The following SLK variants were observed in gnomAD, a reference collection of about 807,000 sequenced individuals.
The protein encoded by SLK is STE20 like kinase.
In SLK, 67 loss-of-function variants were observed where a neutral mutation model predicts 147.7. The observed-to-expected ratio is 0.45, with a 90% CI of 0.37 to 0.56. SLK has a LOEUF of 0.56. Ranked by LOEUF, SLK falls within the 20% of genes least tolerant of loss-of-function variation. The pLI is 0.00. For missense variants in SLK, 1,136 were observed against 1,438.8 expected (o/e 0.79, Z 3.41); for synonymous variants, 441 against 475.0 (o/e 0.93, Z 0.93).
intron 4 of SLK, among the ~76,000 whole-genome samples, 163 bp from the exon 5 acceptor site, chr10:103,998,736 A>G (rs1405899666): frequency 1.3e-5 from 2 of 152,150 alleles, no homozygotes; most frequent in African/African-American, 4.8e-5. Context: ...GTAGAAAGAG[A>G]TGGTCAAGAT....
chr10:104,003,077 A>G lies in SLK; in HGVS notation c.1899A>G (p.Glu633=). The change falls in exon 9 of 19, where the codon GAA becomes GAG. Residue 633 remains glutamate, a synonymous_variant. Coordinates refer to ENST00000369755, the MANE Select transcript of SLK (RefSeq NM_014720.4). ...AGAACATAATGGACATCAATGAGGAACCAGGAACAACTGAAGGTGAAGAAA... is the reference window on the plus strand; with the variant it reads ...AGAACATAATGGACATCAATGAGGAGCCAGGAACAACTGAAGGTGAAGAAA... ...SSENIMDINE[E]PGTTEGEEIT... is the part of the protein sequence containing the mutation. 3.7e-6 allele frequency: 6 copies of G among 1,614,090 alleles called. No homozygotes were observed. Among genetic ancestry groups the G allele is most frequent in the Non-Finnish European group, 5.1e-6 (6 of 1,179,962 alleles).
chr10:104,005,755 G>A, intron 10 of SLK, 64 bp downstream of exon 10: 2 of 1,531,144 alleles, frequency 1.3e-6, no homozygotes, highest in South Asian at 2.4e-5. Context: ...TGAAAAGTCA[G>A]AAGAATAGAG....
At chr10:103,989,491 CAG>C (rs1844062279) in intron 1 of SLK, among the ~76,000 whole-genome samples, 1 of 73,198 alleles carries the variant, frequency 1.4e-5, no homozygotes, top group South Asian at 4.2e-4. Context: ...TTTTTGGAGA[CAG>C]AGTCTTGCTC....
At position 103,967,722 on chromosome 10, in the gene SLK, AG is replaced by A; in HGVS notation, c.-22del. 2 of 1,612,900 alleles carry A rather than the reference AG, an allele frequency of 1.2e-6. No individual in the cohort carries two copies. Among genetic ancestry groups the A allele is most frequent in the South Asian group, 2.2e-5 (2 of 91,060 alleles). On this transcript the variant is annotated 5_prime_UTR_variant, in exon 1 of 19. Coordinates refer to ENST00000369755, the MANE Select transcript of SLK (RefSeq NM_014720.4). ...TTATTGTTTTTAGTCCTTAAGTGCA[AG>A]GAACTCTGTGTTGGGAGGAAAAATG... is the stretch of plus-strand genomic sequence containing the variant.
intron 1 of SLK, among the ~76,000 whole-genome samples, chr10:103,985,250 G>T (rs1173427206): frequency 6.6e-6 from 1 of 152,164 alleles, no homozygotes; most frequent in Non-Finnish European, 1.5e-5. Flanking sequence ...ATCCTCTGGG[G>T]GTCTTGGGAT....
chr10:104,010,858 G>C lies in SLK; in HGVS notation c.2827G>C (p.Glu943Gln). Residue 943 changes from glutamate to glutamine, a missense_variant, in exon 13 of 19, where the codon GAG becomes CAG. Coordinates refer to ENST00000369755, the MANE Select transcript of SLK (RefSeq NM_014720.4). ...GAAAGCACCCAAAGAGCTGAGAAAA[G>C]AGCTCATGAAACGCAGGAAAGAGGA... ...VEKAPKELRK[E>Q]LMKRRKEELA... 1 of 1,599,174 alleles carries C rather than the reference G, an allele frequency of 6.3e-7. No individual in the cohort carries two copies. Among genetic ancestry groups the C allele is most frequent in the Middle Eastern group, 1.7e-4 (1 of 5,992 alleles).
At chr10:104,025,526 A>G (rs373666433) in intron 18 of SLK, 48 bp from the exon 19 acceptor site, 14 of 1,569,668 alleles carry the variant, frequency 8.9e-6, no homozygotes, top group Admixed American at 1.8e-5. Flanking sequence ...CATAAATTCT[A>G]TATATAATAC....
At chr10:103,972,544 A>C (rs1011935523) in intron 1 of SLK, among the ~76,000 whole-genome samples, 1 of 151,900 alleles carries the variant, frequency 6.6e-6, no homozygotes, top group Non-Finnish European at 1.5e-5. Context: ...TGGTGGCAGG[A>C]GCCTGTAGTC....
In SLK at chr10:104,020,199, G is replaced by A. The variant is rs568889458; in HGVS notation, c.3321+277G>A. Among the ~76,000 whole-genome samples, 78 of 152,234 alleles carry A rather than the reference G, an allele frequency of 5.1e-4. 1 individual carries two copies. Among genetic ancestry groups the A allele is most frequent in the Non-Finnish European group, 1.2e-4 (8 of 68,018 alleles). On this transcript the variant is annotated intron_variant, in intron 16 of 18. Transcript: ENST00000369755. ...ACCAGCCCTGGGAATGAGATGACTC[G>A]GACAACTTTTCAAGTCAAGATATAT... is the stretch of plus-strand genomic sequence containing the variant.
rs373027455 is a variant in SLK, at chr10:104,005,977, A to G, written c.2546A>G (p.Asn849Ser). 6.2e-6 allele frequency: 10 copies of G among 1,613,190 alleles called. No individual in the cohort carries two copies. The Admixed American group carries it at 6.7e-5, about 11-fold the overall frequency. ...GAGCAAAGAGCCCAACAACAGCTCAATAGCAAACTACAGCAACAACGAGAA... is the reference window on the plus strand; with the variant it reads ...GAGCAAAGAGCCCAACAACAGCTCAGTAGCAAACTACAGCAACAACGAGAA... ...KEEQRAQQQL[N>S]SKLQQQREQI... is the part of the protein sequence containing the mutation. The change falls in exon 11 of 19, where the codon AAT (asparagine) becomes AGT (serine). Residue 849 changes from asparagine to serine, a missense_variant. This residue lies in a region of SLK where 327 missense variants were observed against 457.5 expected (regional missense o/e 0.71). Transcript: ENST00000369755.
chr10:104,015,548 A>C (rs1196726888), intron 13 of SLK, among the ~76,000 whole-genome samples: 3 of 152,212 alleles, frequency 2.0e-5, no homozygotes, highest in Admixed American at 6.5e-5. Context: ...GACTGAGACC[A>C]AGACTGTTGA....
intron 1 of SLK, among the ~76,000 whole-genome samples, chr10:103,987,780 G>A (rs1844037302): frequency 6.6e-6 from 1 of 152,060 alleles, no homozygotes; most frequent in African/African-American, 2.4e-5. Flanking sequence ...ATGATGGTGA[G>A]AAGTTAACCA....
At chr10:103,981,243 T>C (rs993332199) in intron 1 of SLK, among the ~76,000 whole-genome samples, 1 of 152,084 alleles carries the variant, frequency 6.6e-6, no homozygotes, top group Admixed American at 6.6e-5. Flanking sequence ...ATATTCTGGA[T>C]ATTAATCCTC....
intron 1 of SLK, among the ~76,000 whole-genome samples, chr10:103,969,417 T>C (rs1843764284): frequency 6.6e-6 from 1 of 152,274 alleles, no homozygotes; most frequent in Non-Finnish European, 1.5e-5. Flanking sequence ...ATGGCTATTA[T>C]AGCACTTGTC....
At chr10:103,992,139 C>CTTTTTTTTTT (rs1589532495) in intron 2 of SLK, among the ~76,000 whole-genome samples, 9 of 18,194 alleles carry the variant, frequency 4.9e-4, no homozygotes, top group East Asian at 2.5e-3. Flanking sequence ...GGTATTTCTT[C>CTTTTTTTTTT]TGTTTTTTTT....
chr10:103,998,571 A>G (rs545346629), intron 4 of SLK, among the ~76,000 whole-genome samples: 15 of 152,222 alleles, frequency 9.9e-5, no homozygotes, highest in Non-Finnish European at 1.9e-4. Flanking sequence ...ATTGTGCCAC[A>G]TAGCACTAGT....
In SLK at chr10:104,021,633, A is replaced by T; in HGVS notation, c.3461A>T (p.His1154Leu). Reference protein sequence around the residue: ...ELHQLQNEKCHLLVEHETQKL... With the variant: ...ELHQLQNEKCLLLVEHETQKL... Reference sequence around the variant, plus strand: ...CTTTATTTTCAGAATGAAAAATGCCACTTGTTGGTTGAGCATGAGACTCAG... The same window carrying T: ...CTTTATTTTCAGAATGAAAAATGCCTCTTGTTGGTTGAGCATGAGACTCAG... Residue 1154 changes from histidine (H) to leucine (L), a missense_variant, in exon 18 of 19, where the codon CAC becomes CTC. Transcript: ENST00000369755. The T allele has an allele frequency of 6.3e-7, 1 of 1,593,850 alleles. No homozygotes were observed. Among genetic ancestry groups the T allele is most frequent in the Non-Finnish European group, 8.5e-7 (1 of 1,172,368 alleles).
chr10:103,988,352 G>A (rs534848900), intron 1 of SLK, among the ~76,000 whole-genome samples: 5 of 152,288 alleles, frequency 3.3e-5, no homozygotes, highest in Middle Eastern at 3.4e-3. Context: ...TTGAAGTGGT[G>A]TATTCTGCCA....
At chr10:104,013,903 C>T (rs1277522237) in intron 13 of SLK, among the ~76,000 whole-genome samples, 1 of 152,158 alleles carries the variant, frequency 6.6e-6, no homozygotes, top group Non-Finnish European at 1.5e-5. Context: ...ATTGCCACCA[C>T]CCTAATATAG....
Sources: allele counts gnomAD v4.1 joint callset (sites outside exome capture counted in the v4.1 genomes callset), GRCh38; gene constraint gnomAD v4.1.1; regional missense constraint gnomAD v4.1.1; transcripts MANE v1.5; gene names NCBI Gene and HGNC (gene_info 2026-07-23, HGNC 2026-07-21).